Variants in DOT1L observed in about 807,000 individuals in gnomAD.
DOT1L encodes the protein histone-lysine N-methyltransferase, H3 lysine-79 specific.
A neutral mutation model predicts 153.3 loss-of-function variants in DOT1L; 33 were observed. That is an observed-to-expected ratio of 0.22 (90% CI 0.16 to 0.29). The LOEUF is 0.29. Among genes scored for constraint, DOT1L ranks in the 10% least tolerant of loss-of-function variants. The pLI, the probability that DOT1L is intolerant of heterozygous loss-of-function variation, is 1.00. For missense variants in DOT1L, 1,847 were observed against 2,119.9 expected, an observed-to-expected ratio of 0.87 and a Z score of 2.53; for synonymous variants, 1,135 against 965.1, an observed-to-expected ratio of 1.18 and a Z score of -3.26.
chr19:2,164,259 G>T lies in DOT1L; in HGVS notation c.75G>T (p.Pro25=). The change falls in exon 1 of 28, where the codon CCG becomes CCT. Residue 25 remains proline (P), a synonymous_variant. Coordinates refer to ENST00000398665, the MANE Select transcript of DOT1L (RefSeq NM_032482.3). ...AEPAVYPWPL[P]VYDKHHDAAH... ...CCGCCGTCTACCCGTGGCCGCTGCCGGTCTACGTGAGTGCCGCCCTCCACC... is the reference window on the plus strand; with the variant it reads ...CCGCCGTCTACCCGTGGCCGCTGCCTGTCTACGTGAGTGCCGCCCTCCACC... 1.6e-6 allele frequency: 2 copies of T among 1,272,510 alleles called. No homozygotes were observed. The highest frequency in any genetic ancestry group is 9.9e-7 in the Non-Finnish European group (1 of 1,006,142). 78.8% of individuals were successfully genotyped at this position (1,272,510 alleles called of 1,614,324 possible).
chr19:2,226,535 C>T lies in DOT1L; in HGVS notation c.4014C>T (p.Pro1338=). Residue 1338 remains proline (P), a synonymous_variant, in exon 27 of 28, where the codon CCC becomes CCT. Transcript: ENST00000398665. ...GCTTCAGTGATGGTGCTTCTCTTCCCCACAAGGGCCCCGAGGCGGCCGGCC... is the reference window on the plus strand; with the variant it reads ...GCTTCAGTGATGGTGCTTCTCTTCCTCACAAGGGCCCCGAGGCGGCCGGCC... The part of the protein sequence containing the change: ...LHSFSDGASL[P]HKGPEAAGLS... The T allele has an allele frequency of 1.2e-6, 2 of 1,600,714 alleles. No individual in the cohort carries two copies. The highest frequency in any genetic ancestry group is 1.7e-6 in the Non-Finnish European group (2 of 1,179,596).
At chr19:2,200,553 T>C (rs2023212908) in intron 8 of DOT1L, among the ~76,000 whole-genome samples, 2 of 152,128 alleles carry the variant, frequency 1.3e-5, no homozygotes, top group Non-Finnish European at 2.9e-5. Context: ...CTCCAGCGTG[T>C]GCCAGGGACC....
At position 2,222,606 on chromosome 19, in the gene DOT1L, A is replaced by G; in HGVS notation, c.3390+47A>G. On this transcript the variant is annotated intron_variant, in intron 24 of 27. Coordinates refer to ENST00000398665, the MANE Select transcript of DOT1L (RefSeq NM_032482.3). This position sits in a 1 kb window ranked among gnomAD's most constrained non-coding sequence, Gnocchi z 6.5. ...GCTGGGGAGCGCGGCCTGTGAAAGA[A>G]AGACCAGAGGGAGACCGGGCGCGGT... 6.7e-7 allele frequency: 1 copy of G among 1,488,742 alleles called. No homozygotes were observed. Among genetic ancestry groups the G allele is most frequent in the Admixed American group, 2.3e-5 (1 of 43,766 alleles). 92.2% of individuals were successfully genotyped at this position (1,488,742 alleles called of 1,614,324 possible). A position where few individuals can be genotyped will look rare whatever the true frequency, so the allele number is the denominator to read the frequency against.
intron 25 of DOT1L, 41 bp downstream of exon 25, chr19:2,223,527 G>C: frequency 7.3e-7 from 1 of 1,375,874 alleles, no homozygotes; most frequent in Non-Finnish European, 9.6e-7. Flanking sequence ...CCTGGCAGCA[G>C]GGGCAGGAGG....
intron 1 of DOT1L, among the ~76,000 whole-genome samples, chr19:2,180,252 C>G (rs941486249): frequency 1.3e-5 from 2 of 152,188 alleles, no homozygotes; most frequent in African/African-American, 4.8e-5. Context: ...CAACGCAGGA[C>G]TCCCAGCCAG....
chr19:2,212,593 T>A (rs945384006), intron 16 of DOT1L: 2 of 152,230 alleles, frequency 1.3e-5, no homozygotes, highest in Non-Finnish European at 2.9e-5. Flanking sequence ...CAAAGCCAGC[T>A]CTTTTGCAGG....
At chr19:2,182,601 G>C (rs1354933703) in intron 2 of DOT1L, among the ~76,000 whole-genome samples, 1 of 152,126 alleles carries the variant, frequency 6.6e-6, no homozygotes, top group Non-Finnish European at 1.5e-5. Context: ...GGTTCTGCCA[G>C]TGCTGCCCAG....
At chr19:2,210,377 G>T in intron 12 of DOT1L, 23 bp from the exon 13 acceptor site, 2 of 1,502,438 alleles carry the variant, frequency 1.3e-6, no homozygotes, top group Non-Finnish European at 1.8e-6. Flanking sequence ...GGCTTCCTGT[G>T]GCTCAACCTG....
At chr19:2,188,489 C>T (rs979556875) in intron 3 of DOT1L, among the ~76,000 whole-genome samples, 1 of 129,104 alleles carries the variant, frequency 7.7e-6, no homozygotes, top group Admixed American at 7.3e-5. Flanking sequence ...CGCCCCCCCC[C>T]CCCCCACCCG....
chr19:2,229,828 G>A lies in DOT1L; in HGVS notation c.*36G>A, dbSNP rs772962486. 5.0e-6 allele frequency: 8 copies of A among 1,612,964 alleles called. No homozygotes were observed. Among genetic ancestry groups the A allele is most frequent in the East Asian group, 4.5e-5 (2 of 44,876 alleles). The stretch of plus-strand genomic sequence containing the variant: ...TCAACCGCGAGACCTATGCAAGGAC[G>A]GTGTGGACCAACTCGCGCCCGCGGC... On this transcript the variant is annotated 3_prime_UTR_variant, in exon 28 of 28. Coordinates refer to ENST00000398665, the MANE Select transcript of DOT1L (RefSeq NM_032482.3).
chr19:2,211,764 C>T lies in DOT1L; in HGVS notation c.1479C>T (p.Ile493=). 6.4e-7 allele frequency: 1 copy of T among 1,565,490 alleles called. No homozygotes were observed. The highest frequency in any genetic ancestry group is 8.7e-7 in the Non-Finnish European group (1 of 1,154,328). ...ALQKLLESFK[I]QYLQFLAYTK... ...CTCTCTTCCCAGAGTCCTTCAAGAT[C>T]CAGTACCTGCAGTTCCTGGCATACA... The change falls in exon 16 of 28, where the codon ATC becomes ATT. Residue 493 remains isoleucine (I), a synonymous_variant. Coordinates refer to ENST00000398665, the MANE Select transcript of DOT1L (RefSeq NM_032482.3).
chr19:2,193,781 G>A lies in DOT1L; in HGVS notation c.586G>A (p.Glu196Lys). ...EKADIPAKYA[E>K]TMDREFRKWM... ...AGCAGACATCCCGGCCAAGTATGCG[G>A]AGGTGAGCGGATCTGAGGGCCAGGG... The change falls in exon 6 of 28, where the codon GAG becomes AAG. Residue 196 changes from glutamate to lysine, a missense_variant and splice_region_variant. This residue lies in a region of DOT1L where 148 missense variants were observed against 422.3 expected (regional missense o/e 0.35). Transcript: ENST00000398665. The surrounding 1 kb of genome is among the most constrained non-coding windows in gnomAD (Gnocchi z 5.9). 1 of 1,613,708 alleles carries A rather than the reference G, an allele frequency of 6.2e-7. No individual in the cohort carries two copies. The highest frequency in any genetic ancestry group is 8.5e-7 in the Non-Finnish European group (1 of 1,179,858).
intron 4 of DOT1L, 63 bp downstream of exon 4, chr19:2,189,858 C>A: frequency 6.4e-7 from 1 of 1,567,146 alleles, no homozygotes; most frequent in Non-Finnish European, 8.7e-7. Flanking sequence ...CCCTCCAGAC[C>A]CCTTATGTCA....
At chr19:2,201,744 G>A (rs979129908) in intron 8 of DOT1L, among the ~76,000 whole-genome samples, 8 of 152,232 alleles carry the variant, frequency 5.3e-5, no homozygotes, top group African/African-American at 9.6e-5. Context: ...GATTTCTGGC[G>A]TCCCGTTGAC....
In DOT1L at chr19:2,210,618, C is replaced by T. The variant is rs774205243; in HGVS notation, c.1117-3C>T. The T allele has an allele frequency of 8.1e-6, 13 of 1,611,772 alleles. No individual in the cohort carries two copies. Among genetic ancestry groups the T allele is most frequent in the Non-Finnish European group, 1.1e-5 (13 of 1,179,438 alleles). ...ATCCCTGTTCTTCCCTTGTGTCCTC[C>T]AGGACTCTGGTGCTGAGGAAGAGAA... On this transcript the variant is annotated splice_region_variant and splice_polypyrimidine_tract_variant and intron_variant, in intron 13 of 27. Coordinates refer to ENST00000398665, the MANE Select transcript of DOT1L (RefSeq NM_032482.3).
intron 1 of DOT1L, chr19:2,164,515 G>T (rs1047150611): frequency 3.3e-6 from 1 of 303,046 alleles, no homozygotes; most frequent in Admixed American, 5.1e-5. Flanking sequence ...CCGCGGTGCC[G>T]TTGCCCCCGC....
intron 1 of DOT1L, among the ~76,000 whole-genome samples, chr19:2,169,876 C>T (rs561556065): frequency 2.8e-4 from 43 of 152,252 alleles, no homozygotes; most frequent in African/African-American, 9.9e-4. Context: ...CACACGGTTG[C>T]CCAGGCACGG....
At chr19:2,211,967 C>A in intron 16 of DOT1L, 125 bp downstream of exon 16, 2 of 836,038 alleles carry the variant, frequency 2.4e-6, no homozygotes, top group Non-Finnish European at 1.8e-6. Context: ...CTCCTCTGCT[C>A]ACCTGCTGCG....
chr19:2,227,687 G>T (rs894456213), intron 27 of DOT1L: 8 of 1,293,914 alleles, frequency 6.2e-6, no homozygotes, highest in African/African-American at 4.7e-5. Context: ...CTCTGCGCTT[G>T]CCTGGATGCT....
Sources: allele counts gnomAD v4.1 joint callset (sites outside exome capture counted in the v4.1 genomes callset), GRCh38; gene constraint gnomAD v4.1.1; regional missense constraint gnomAD v4.1.1; non-coding constraint Gnocchi (gnomAD v3.1); transcripts MANE v1.5; gene names NCBI Gene and HGNC (gene_info 2026-07-23, HGNC 2026-07-21).